EMP2: variants seen among roughly 807,000 people sequenced by gnomAD.
EMP2 encodes epithelial membrane protein 2.
Under a neutral mutation model 13.7 loss-of-function variants are expected in EMP2, and 19 were observed. That is an observed-to-expected ratio of 1.38 (90% CI 0.97 to 2.03). The LOEUF (loss-of-function observed/expected upper bound fraction) is 2.03. Among genes scored for constraint, EMP2 ranks in the 30% most tolerant of loss-of-function variants. The pLI, the probability that EMP2 is intolerant of heterozygous loss-of-function variation, is 0.00. For missense variants in EMP2, 253 were observed against 220.7 expected (o/e 1.15, Z -0.93); for synonymous variants, 97 against 84.7 (o/e 1.15, Z -0.80).
chr16:10,543,148 A>T (rs2050713709), intron 3 of EMP2, among the ~76,000 whole-genome samples: 1 of 152,182 alleles, frequency 6.6e-6, no homozygotes, highest in Non-Finnish European at 1.5e-5. Context: ...GCCCCGCCAG[A>T]TCTCGGATTT....
chr16:10,575,910 G>C (rs1022624026), intron 1 of EMP2, among the ~76,000 whole-genome samples: 18 of 151,932 alleles, frequency 1.2e-4, no homozygotes, highest in African/African-American at 4.4e-4. Context: ...AGAAGGGCTT[G>C]GTCTGGAAGC....
chr16:10,556,092 T>C (rs1343039396), intron 1 of EMP2, among the ~76,000 whole-genome samples: 1 of 152,206 alleles, frequency 6.6e-6, no homozygotes, highest in African/African-American at 2.4e-5. Context: ...TCAATAATTG[T>C]CATTTACATG....
At chr16:10,549,869 T>C (rs2050771424) in intron 1 of EMP2, among the ~76,000 whole-genome samples, 2 of 149,532 alleles carry the variant, frequency 1.3e-5, no homozygotes, top group African/African-American at 5.0e-5. Context: ...TTTCTTTTCT[T>C]TTTTTTTCTT....
At chr16:10,576,181 A>G (rs759836126) in intron 1 of EMP2, among the ~76,000 whole-genome samples, 27 of 151,930 alleles carry the variant, frequency 1.8e-4, no homozygotes, top group Admixed American at 5.3e-4. Flanking sequence ...TTCCCCCAAT[A>G]CCAATCAAGA....
At chr16:10,579,208 GGGAAACCA>G (rs2051004964) in intron 1 of EMP2, among the ~76,000 whole-genome samples, 1 of 152,096 alleles carries the variant, frequency 6.6e-6, no homozygotes, top group Admixed American at 6.5e-5. Context: ...TGTGACTCCT[GGGAAACCA>G]GGACCCCGTC....
intron 3 of EMP2, among the ~76,000 whole-genome samples, chr16:10,542,795 C>T (rs1042297204): frequency 2.0e-5 from 3 of 152,230 alleles, no homozygotes; most frequent in Non-Finnish European, 4.4e-5. Flanking sequence ...TTGAAATTGA[C>T]ATGCCCAATG....
At chr16:10,567,294 A>G (rs1431941194) in intron 1 of EMP2, among the ~76,000 whole-genome samples, 1 of 152,168 alleles carries the variant, frequency 6.6e-6, no homozygotes, top group Non-Finnish European at 1.5e-5. Flanking sequence ...TGCTGTTTTC[A>G]AGAGTGTTTT....
rs149019732 is a variant in EMP2, at chr16:10,545,340, C to G, written c.79-1680G>C. 1.7e-3 allele frequency: 259 copies of G among 152,308 alleles called. 1 individual carries two copies. The highest frequency in any genetic ancestry group is 6.1e-3 in the African/African-American group (253 of 41,558). The allele number at this position is 152,308 out of a possible 1,614,324, so 9.4% of individuals were successfully genotyped here. On this transcript the variant is annotated intron_variant, in intron 2 of 4. Coordinates refer to ENST00000359543, the MANE Select transcript of EMP2 (RefSeq NM_001424.6). ...CCAAATACTATAATCTAGGACTCCCCAACCCATGGGCCATGGACTGGTACC... is the reference window on the plus strand; with the variant it reads ...CCAAATACTATAATCTAGGACTCCCGAACCCATGGGCCATGGACTGGTACC...
intron 1 of EMP2, among the ~76,000 whole-genome samples, chr16:10,559,851 T>G (rs1248471852): frequency 6.6e-6 from 1 of 152,054 alleles, no homozygotes; most frequent in East Asian, 1.9e-4. Flanking sequence ...GTTTTTGTAT[T>G]TTTAGTAAAG....
Position 10,538,373 on chromosome 16 carries a change from A to C in EMP2, c.170-299T>G, listed in dbSNP as rs141027691. ...GTCACAGACCCCACATGCTTGGCTCATGGACAGGGGAATCTTTTGAAGGAC... is the reference window on the plus strand; with the variant it reads ...GTCACAGACCCCACATGCTTGGCTCCTGGACAGGGGAATCTTTTGAAGGAC... On this transcript the variant is annotated intron_variant, in intron 3 of 4. Coordinates refer to ENST00000359543, the MANE Select transcript of EMP2 (RefSeq NM_001424.6). 2.5e-3 allele frequency among the ~76,000 whole-genome samples: 380 copies of C among 152,312 alleles called. 1 individual carries two copies. Among genetic ancestry groups the C allele is most frequent in the African/African-American group, 8.9e-3 (372 of 41,568 alleles).
intron 1 of EMP2, among the ~76,000 whole-genome samples, chr16:10,573,930 CTTTTTTT>C (rs371646297): frequency 1.2e-5 from 1 of 83,172 alleles, no homozygotes; most frequent in Non-Finnish European, 2.2e-5. Flanking sequence ...ATGGATAAAC[CTTTTTTT>C]TTTTTTTTTT....
chr16:10,571,480 T>C (rs184362513), intron 1 of EMP2, among the ~76,000 whole-genome samples: 81 of 152,228 alleles, frequency 5.3e-4, no homozygotes, highest in Non-Finnish European at 1.0e-3. Flanking sequence ...ATCAGCATTC[T>C]ATCCAGATTC....
chr16:10,573,774 C>T (rs1389334142), intron 1 of EMP2, among the ~76,000 whole-genome samples: 1 of 152,150 alleles, frequency 6.6e-6, no homozygotes, highest in Admixed American at 6.5e-5. Context: ...GACATTGTTC[C>T]TCGTATAAAC....
At position 10,532,651 on chromosome 16, in the gene EMP2, G is replaced by A; in HGVS notation, c.*254C>T. The A allele has an allele frequency of 3.9e-6, 1 of 256,664 alleles. No individual in the cohort carries two copies. 15.9% of individuals were successfully genotyped at this position (256,664 alleles called of 1,614,324 possible). On this transcript the variant is annotated 3_prime_UTR_variant, in exon 5 of 5. Coordinates refer to ENST00000359543, the MANE Select transcript of EMP2 (RefSeq NM_001424.6). ...GCTGGATTTTTGCTTGTGTCTTGTTGAGACTTTTGAGTGGGCAGCAGTTCT... is the reference window on the plus strand; with the variant it reads ...GCTGGATTTTTGCTTGTGTCTTGTTAAGACTTTTGAGTGGGCAGCAGTTCT...
chr16:10,562,384 C>CTA (rs1349958872), intron 1 of EMP2, among the ~76,000 whole-genome samples: 1 of 143,678 alleles, frequency 7.0e-6, no homozygotes, highest in South Asian at 2.2e-4. Context: ...CTCTCTCTAT[C>CTA]TATCTCTCTC....
chr16:10,562,698 A>G (rs1233165481), intron 1 of EMP2, among the ~76,000 whole-genome samples: 1 of 152,240 alleles, frequency 6.6e-6, no homozygotes, highest in Non-Finnish European at 1.5e-5. Flanking sequence ...GCTAACTGAT[A>G]CAGTGGAGAT....
intron 1 of EMP2, among the ~76,000 whole-genome samples, chr16:10,548,636 A>G (rs1383166699): frequency 6.6e-6 from 1 of 152,160 alleles, no homozygotes; most frequent in Non-Finnish European, 1.5e-5. Flanking sequence ...GGAGGCTGCA[A>G]TAAACCATGA....
intron 1 of EMP2, among the ~76,000 whole-genome samples, chr16:10,562,361 TCTCTCTCTC>T (rs2050877736): frequency 2.7e-5 from 4 of 150,320 alleles, no homozygotes; most frequent in African/African-American, 9.9e-5. Flanking sequence ...TCTCTCTCTC[TCTCTCTCTC>T]TCTCTCTCTC....
rs991060184 is a variant in EMP2, at chr16:10,547,534, A to G, written c.78+6T>C. The G allele has an allele frequency of 6.2e-7, 1 of 1,613,912 alleles. No homozygotes were observed. The highest frequency in any genetic ancestry group is 1.3e-5 in the African/African-American group (1 of 74,926). On this transcript the variant is annotated splice_donor_region_variant and intron_variant, in intron 2 of 4. Coordinates refer to ENST00000359543, the MANE Select transcript of EMP2 (RefSeq NM_001424.6). ...TTCTGCGTGAGTGGCAGGAAAGGAA[A>G]CTTACATTGTCGACGGTGGCAATGA... is the stretch of plus-strand genomic sequence containing the variant.
Sources: gnomAD v4.1 joint callset for allele counts (sites outside exome capture counted in the v4.1 genomes callset) on GRCh38, gnomAD v4.1.1 for gene constraint, MANE v1.5 for transcripts, NCBI Gene and HGNC (gene_info 2026-07-23, HGNC 2026-07-21) for gene names.